WNK2: variants seen among roughly 807,000 people sequenced by gnomAD.
WNK2 encodes the protein serine/threonine-protein kinase WNK2.
A neutral mutation model predicts 192.1 loss-of-function variants in WNK2; 67 were observed. The ratio of observed to expected loss-of-function variants is 0.35; its 90% confidence interval spans 0.29 to 0.43. The LOEUF (loss-of-function observed/expected upper bound fraction) is 0.43. Among genes scored for constraint, WNK2 ranks in the 20% least tolerant of loss-of-function variants. The pLI is 1.00. For missense variants in WNK2, 2,698 were observed against 3,089.7 expected (o/e 0.87, Z 3.01); for synonymous variants, 1,439 against 1,393.9 (o/e 1.03, Z -0.72).
Position 93,288,935 on chromosome 9 carries a change from T to C in WNK2, c.4181T>C (p.Leu1394Pro). Residue 1394 changes from leucine (L) to proline (P), a missense_variant, in exon 20 of 30, where the codon CTG (leucine) becomes CCG (proline). Transcript: ENST00000427277. ...CCCTCCTCCCCTCCTGTGACTGCTCTGCCCCAAGATGGAGCAGCTCCAGCC... is the reference window on the plus strand; with the variant it reads ...CCCTCCTCCCCTCCTGTGACTGCTCCGCCCCAAGATGGAGCAGCTCCAGCC... Reference protein sequence around the residue: ...LAPSSPPVTALPQDGAAPATS... With the variant: ...LAPSSPPVTAPPQDGAAPATS... 6.2e-7 allele frequency: 1 copy of C among 1,606,908 alleles called. No individual in the cohort carries two copies. Among genetic ancestry groups the C allele is most frequent in the Non-Finnish European group, 8.5e-7 (1 of 1,177,392 alleles).
In WNK2 at chr9:93,236,535, T is replaced by G. The variant is rs1839844900; in HGVS notation, c.1233+1570T>G. Among the ~76,000 whole-genome samples the G allele has an allele frequency of 1.3e-5, 2 of 152,230 alleles. 1 individual carries two copies. The highest frequency in any genetic ancestry group is 4.1e-4 in the South Asian group (2 of 4,836). ...CATTGTGTTTAAAATTTTTTAAAAT[T>G]AGTTGCTCATACACCGTCTTACTCC... On this transcript the variant is annotated intron_variant, in intron 5 of 29. Coordinates refer to ENST00000427277, the MANE Select transcript of WNK2 (RefSeq NM_006648.4).
rs189823467 is a variant in WNK2 at position 93,314,218 on chromosome 9, G to A, written c.6517-3302G>A. On this transcript the variant is annotated intron_variant, in intron 28 of 29. Coordinates refer to ENST00000427277, the MANE Select transcript of WNK2 (RefSeq NM_006648.4). ...AATCGCTTGAACCTGGGAGGCAGAG[G>A]TTGCAGTGAGCCGAGATTGTGCCAT... Among the ~76,000 whole-genome samples, 4 of 152,324 alleles carry A rather than the reference G, an allele frequency of 2.6e-5. No homozygotes were observed. In the East Asian group the frequency reaches 7.7e-4, roughly 29 times the overall value.
In WNK2 at chr9:93,252,604, C is replaced by T. The variant is rs371152869; in HGVS notation, c.1835-279C>T. Reference sequence around the variant, plus strand: ...TGTGTGCTTGGTGCCCAGGCCACGGCGGGCTGGTTGTGGGTACCTGCCTTG... The same window carrying T: ...TGTGTGCTTGGTGCCCAGGCCACGGTGGGCTGGTTGTGGGTACCTGCCTTG... On this transcript the variant is annotated intron_variant, in intron 8 of 29. Coordinates refer to ENST00000427277, the MANE Select transcript of WNK2 (RefSeq NM_006648.4). Among the ~76,000 whole-genome samples, 20 of 152,328 alleles carry T rather than the reference C, an allele frequency of 1.3e-4. No homozygotes were observed. The South Asian group carries it at 3.3e-3, about 25-fold the overall frequency.
At chr9:93,200,019 G>A (rs1832046913) in intron 2 of WNK2, among the ~76,000 whole-genome samples, 1 of 152,112 alleles carries the variant, frequency 6.6e-6, no homozygotes, top group African/African-American at 2.4e-5. Flanking sequence ...CTCAAGGAGG[G>A]CAAGTGGCAG....
intron 26 of WNK2, among the ~76,000 whole-genome samples, chr9:93,303,963 G>T (rs1329297435): frequency 6.6e-6 from 1 of 152,238 alleles, no homozygotes; most frequent in Non-Finnish European, 1.5e-5. Flanking sequence ...AGGGTGCGCG[G>T]GAAGTTGTGG....
chr9:93,186,745 G>A (rs1564251962), intron 2 of WNK2, among the ~76,000 whole-genome samples: 3 of 152,196 alleles, frequency 2.0e-5, no homozygotes, highest in South Asian at 4.1e-4. Flanking sequence ...AATTCGGTGG[G>A]TGTCGACCTG....
chr9:93,275,328 G>A (rs1846667990), intron 19 of WNK2, among the ~76,000 whole-genome samples: 1 of 152,102 alleles, frequency 6.6e-6, no homozygotes, highest in South Asian at 2.1e-4. Context: ...GCTGCAGTGT[G>A]CTAAGACTGT....
rs573931763 is a variant in WNK2, at chr9:93,317,560, C to T, written c.6557C>T (p.Pro2186Leu). 1.2e-6 allele frequency: 2 copies of T among 1,613,650 alleles called. No homozygotes were observed. The highest frequency in any genetic ancestry group is 4.5e-5 in the East Asian group (2 of 44,872). ...PRAGVGMPRL[P>L]PAPGPLSTTV... ...GCAGGAGTGGGGATGCCACGTCTGC[C>T]CCCAGCGCCCGGCCCTCTGTCCACC... The change falls in exon 29 of 30, where the codon CCC becomes CTC. Residue 2186 changes from proline to leucine, a missense_variant. Pro to Leu is a moderately conservative substitution (Grantham distance 98). This residue lies in a region of WNK2 where 167 missense variants were observed against 184.2 expected (regional missense o/e 0.91). Coordinates refer to ENST00000427277, the MANE Select transcript of WNK2 (RefSeq NM_006648.4).
At chr9:93,238,430 C>A in intron 6 of WNK2, 109 bp downstream of exon 6, 1 of 1,079,974 alleles carries the variant, frequency 9.3e-7, no homozygotes, top group Non-Finnish European at 1.4e-6. Flanking sequence ...CAGGCAGGCT[C>A]AGGCCAGGGT....
chr9:93,290,620 C>T (rs1849193849), intron 21 of WNK2, among the ~76,000 whole-genome samples: 1 of 152,212 alleles, frequency 6.6e-6, no homozygotes, highest in Non-Finnish European at 1.5e-5. Context: ...TGCACACGTT[C>T]CGGTGGACCC....
At position 93,298,041 on chromosome 9, in the gene WNK2, A is replaced by G. The variant is rs1850909408; in HGVS notation, c.5897A>G (p.Gln1966Arg). 3 of 1,551,816 alleles carry G rather than the reference A, an allele frequency of 1.9e-6. No homozygotes were observed. Among genetic ancestry groups the G allele is most frequent in the Non-Finnish European group, 2.6e-6 (3 of 1,148,064 alleles). ...AAGCTGCTAAATCCCCTGGTGCGGC[A>G]GCTCAAGGTCGTGGCCTCCAGCACA... ...AGKLLNPLVRQLKVVASSTGH... is the reference protein window; with the variant it reads ...AGKLLNPLVRRLKVVASSTGH... The change falls in exon 24 of 30, where the codon CAG becomes CGG. Residue 1966 changes from glutamine to arginine, a missense_variant. Gln to Arg is a conservative substitution (Grantham distance 43). Around this residue, in one of 7 missense-constraint regions of WNK2, gnomAD observed 1,098 missense variants for 1,101.0 expected, o/e 1.00. Transcript: ENST00000427277.
intron 2 of WNK2, among the ~76,000 whole-genome samples, chr9:93,210,790 C>A (rs1011020241): frequency 6.6e-6 from 1 of 152,146 alleles, no homozygotes; most frequent in East Asian, 1.9e-4. Context: ...TCCAGATGCT[C>A]ATTGTCTCTT....
intron 2 of WNK2, among the ~76,000 whole-genome samples, chr9:93,193,119 G>T (rs1830620589): frequency 6.6e-6 from 1 of 152,214 alleles, no homozygotes; most frequent in Admixed American, 6.5e-5. Context: ...ATCAGCATCT[G>T]CTTGCTGTGG....
At chr9:93,225,869 A>G (rs1334544249) in intron 2 of WNK2, among the ~76,000 whole-genome samples, 1 of 151,966 alleles carries the variant, frequency 6.6e-6, no homozygotes, top group East Asian at 1.9e-4. Flanking sequence ...CTTCACCCCC[A>G]GGGACCTCGA....
At chr9:93,305,363 T>A (rs1247469521) in intron 26 of WNK2, among the ~76,000 whole-genome samples, 1 of 152,168 alleles carries the variant, frequency 6.6e-6, no homozygotes, top group Non-Finnish European at 1.5e-5. Context: ...ATACCTCCCC[T>A]GTAAACTTGA....
chr9:93,239,868 C>T lies in WNK2; in HGVS notation c.1434C>T (p.Leu478=). Residue 478 remains leucine (L), a synonymous_variant, in exon 7 of 30, where the codon CTC becomes CTT. Coordinates refer to ENST00000427277, the MANE Select transcript of WNK2 (RefSeq NM_006648.4). The surrounding 1 kb of genome is among the most constrained non-coding windows in gnomAD (Gnocchi z 4.2). ...HGRKSTIALR[L]WVEDPKKLKG... is the part of the protein sequence containing the mutation. The stretch of plus-strand genomic sequence containing the variant: ...GGAAGTCCACCATCGCCCTGAGGCT[C>T]TGGGTGGAAGACCCCAAGAAACTGA... 6.2e-7 allele frequency: 1 copy of T among 1,605,968 alleles called. No homozygotes were observed. The highest frequency in any genetic ancestry group is 8.5e-7 in the Non-Finnish European group (1 of 1,176,422).
At chr9:93,255,303 G>C (rs1843122706) in intron 9 of WNK2, among the ~76,000 whole-genome samples, 1 of 152,220 alleles carries the variant, frequency 6.6e-6, no homozygotes, top group Admixed American at 6.5e-5. Context: ...GGGGCTGCCA[G>C]GCTGCCCTGG....
At position 93,196,433 on chromosome 9, in the gene WNK2, C is replaced by T. The variant is rs927485342; in HGVS notation, c.681+10823C>T. Among the ~76,000 whole-genome samples, 11 of 152,160 alleles carry T rather than the reference C, an allele frequency of 7.2e-5. No homozygotes were observed. The East Asian group carries it at 2.1e-3, about 29-fold the overall frequency. On this transcript the variant is annotated intron_variant, in intron 2 of 29. Coordinates refer to ENST00000427277, the MANE Select transcript of WNK2 (RefSeq NM_006648.4). ...CATCAGCTGGGACATGGGGTTTTCT[C>T]TCTGTTTCTTCTGTCCTCATCCATG...
chr9:93,232,964 CAAAAAAAAA>C (rs71511650), intron 4 of WNK2, among the ~76,000 whole-genome samples: 1 of 81,976 alleles, frequency 1.2e-5, no homozygotes, highest in Non-Finnish European at 2.2e-5. Context: ...CCTGTCTCTA[CAAAAAAAAA>C]AAAAAAAAAA....
Sources: gnomAD v4.1 joint callset for allele counts (sites outside exome capture counted in the v4.1 genomes callset) on GRCh38, gnomAD v4.1.1 for gene constraint, gnomAD v4.1.1 regional missense constraint, Gnocchi (gnomAD v3.1) non-coding constraint, MANE v1.5 for transcripts, NCBI Gene and HGNC (gene_info 2026-07-23, HGNC 2026-07-21) for gene names.